Variants in ERCC8 observed in about 807,000 individuals in gnomAD.
The protein encoded by ERCC8 is DNA excision repair protein ERCC-8.
ERCC8 carries 52 observed loss-of-function variants against 54.9 expected under a neutral mutation model. The observed-to-expected ratio is 0.95, with a 90% CI of 0.76 to 1.19. The LOEUF is 1.19. Among genes scored for constraint, ERCC8 ranks in the 50% most tolerant of loss-of-function variants. The probability of loss-of-function intolerance (pLI) is 0.00; values close to 1 mark genes in which losing one functional copy is unlikely to be tolerated. For synonymous variants in ERCC8, 146 were observed against 157.2 expected, an observed-to-expected ratio of 0.93 and a Z score of 0.53; for missense variants, 514 against 466.1, an observed-to-expected ratio of 1.10 and a Z score of -0.95.
chr5:60,914,607 CAG>C (rs1749372631), intron 4 of ERCC8, among the ~76,000 whole-genome samples: 1 of 151,656 alleles, frequency 6.6e-6, no homozygotes, highest in South Asian at 2.1e-4. Context: ...CTGGGCAAGA[CAG>C]AGAGACACTG....
chr5:60,907,129 CT>C (rs1382821350), intron 4 of ERCC8, among the ~76,000 whole-genome samples: 5 of 152,124 alleles, frequency 3.3e-5, no homozygotes, highest in Non-Finnish European at 5.9e-5. Flanking sequence ...GCCAGTCCCA[CT>C]ATATTTCACT....
intron 4 of ERCC8, among the ~76,000 whole-genome samples, chr5:60,907,975 C>T (rs1320800792): frequency 5.9e-5 from 9 of 152,180 alleles, no homozygotes; most frequent in Non-Finnish European, 1.3e-4. Flanking sequence ...ATTGATTACT[C>T]CCATCCTCTT....
chr5:60,918,189 A>C (rs1749492923), intron 4 of ERCC8, 76 bp downstream of exon 4: 1 of 1,166,836 alleles, frequency 8.6e-7, no homozygotes, highest in Non-Finnish European at 1.3e-6. Context: ...CTCAGCAAAT[A>C]ATCATACTAA....
chr5:60,876,106 C>T (rs545618808), intron 11 of ERCC8, among the ~76,000 whole-genome samples: 1 of 151,938 alleles, frequency 6.6e-6, no homozygotes, highest in Non-Finnish European at 1.5e-5. Flanking sequence ...TCAATTCCCA[C>T]CTATGAGTGA....
At position 60,874,610 on chromosome 5, in the gene ERCC8, G is replaced by A. The variant is rs1012522192; in HGVS notation, c.*5C>T. On this transcript the variant is annotated 3_prime_UTR_variant, in exon 12 of 12. Transcript: ENST00000676185. ...GCAGAGACAAAAAGGTACTAAAGAT[G>A]ATATTCATCCTTCTTCATCACTGCT... The A allele has an allele frequency of 1.2e-6, 2 of 1,612,192 alleles. No homozygotes were observed. Among genetic ancestry groups the A allele is most frequent in the African/African-American group, 2.7e-5 (2 of 74,686 alleles).
At chr5:60,896,298 C>T (rs1748723089) in intron 9 of ERCC8, among the ~76,000 whole-genome samples, 1 of 152,206 alleles carries the variant, frequency 6.6e-6, no homozygotes, top group Non-Finnish European at 1.5e-5. Context: ...CTCACCGCAA[C>T]CTCCACCTCC....
chr5:60,907,677 C>A (rs557868343), intron 4 of ERCC8, among the ~76,000 whole-genome samples: 20 of 152,120 alleles, frequency 1.3e-4, no homozygotes, highest in Non-Finnish European at 2.2e-4. Flanking sequence ...GTATCTATAA[C>A]CTCTGTCCCC....
At chr5:60,884,578 T>A (rs1332157046) in intron 11 of ERCC8, among the ~76,000 whole-genome samples, 1 of 148,506 alleles carries the variant, frequency 6.7e-6, no homozygotes, top group Non-Finnish European at 1.5e-5. Context: ...GAAATAAATA[T>A]CAAATAAATA....
intron 3 of ERCC8, chr5:60,919,349 T>A (rs1749534205): frequency 6.6e-6 from 1 of 151,940 alleles, no homozygotes; most frequent in Admixed American, 6.6e-5. Context: ...AACTCTCCAA[T>A]CTTGTATATG....
At chr5:60,936,497 G>A (rs1244319999) in intron 1 of ERCC8, among the ~76,000 whole-genome samples, 1 of 151,870 alleles carries the variant, frequency 6.6e-6, no homozygotes, top group Non-Finnish European at 1.5e-5. Context: ...TTTGTGTTTT[G>A]TTGTTGTTGT....
At chr5:60,886,148 TAGG>T (rs1748384174) in intron 11 of ERCC8, among the ~76,000 whole-genome samples, 1 of 152,054 alleles carries the variant, frequency 6.6e-6, no homozygotes, top group Admixed American at 6.6e-5. Context: ...GGATGATTAT[TAGG>T]AGAATAAACC....
Position 60,884,250 on chromosome 5 carries a change from C to T in ERCC8, c.1122+3190G>A, listed in dbSNP as rs138915352. On this transcript the variant is annotated intron_variant, in intron 11 of 11. Transcript: ENST00000676185. ...ATCCCAGGACTTTGGGAGGCCGAGGCGGGTGGATCATGAGGTCAGGAGATC... is the reference window on the plus strand; with the variant it reads ...ATCCCAGGACTTTGGGAGGCCGAGGTGGGTGGATCATGAGGTCAGGAGATC... Among the ~76,000 whole-genome samples, 887 of 152,018 alleles carry T rather than the reference C, an allele frequency of 5.8e-3. 6 individuals are homozygous for T. Among genetic ancestry groups the T allele is most frequent in the African/African-American group, 0.02 (822 of 41,478 alleles).
In ERCC8 at chr5:60,876,773, G is replaced by C. The variant is rs185766750; in HGVS notation, c.1123-2090C>G. On this transcript the variant is annotated intron_variant, in intron 11 of 11. Transcript: ENST00000676185. ...TTGTTTGAGTCCATTGTAGGTTCTG[G>C]ATATTAGCCCTTTGTTAGATGAGTA... is the stretch of plus-strand genomic sequence containing the variant. 2.8e-3 allele frequency among the ~76,000 whole-genome samples: 433 copies of C among 152,254 alleles called. 2 individuals carry two copies. The highest frequency in any genetic ancestry group is 3.3e-3 in the Non-Finnish European group (227 of 68,014).
intron 5 of ERCC8, 97 bp from the exon 6 acceptor site, chr5:60,903,813 T>C (rs923628116): frequency 1.6e-6 from 2 of 1,214,924 alleles, no homozygotes; most frequent in East Asian, 4.7e-5. Context: ...TTTCACTGTA[T>C]CCATGCAGAA....
chr5:60,902,230 G>A (rs1270340390), intron 7 of ERCC8, among the ~76,000 whole-genome samples: 1 of 152,052 alleles, frequency 6.6e-6, no homozygotes, highest in African/African-American at 2.4e-5. Context: ...GTGTTCTAAG[G>A]TGAAACACCT....
Position 60,918,316 on chromosome 5 carries a change from T to A in ERCC8, c.348A>T (p.Thr116=), listed in dbSNP as rs752819668. The A allele has an allele frequency of 5.0e-6, 8 of 1,594,188 alleles. No individual in the cohort carries two copies. Among genetic ancestry groups the A allele is most frequent in the Non-Finnish European group, 6.9e-6 (8 of 1,162,252 alleles). Reference sequence around the variant, plus strand: ...TCAGAGTTTTATCAAATGAGCTTGATGTGAACATGCCAGTGTCATGAGGAT... The same window carrying A: ...TCAGAGTTTTATCAAATGAGCTTGAAGTGAACATGCCAGTGTCATGAGGAT... ...QWYPHDTGMF[T]SSSFDKTLKV... is the part of the protein sequence containing the mutation. Residue 116 remains threonine (T), a synonymous_variant, in exon 4 of 12, where the codon ACA becomes ACT. Coordinates refer to ENST00000676185, the MANE Select transcript of ERCC8 (RefSeq NM_000082.4).
intron 4 of ERCC8, chr5:60,917,348 T>A (rs1025557920): frequency 6.6e-6 from 1 of 151,488 alleles, no homozygotes; most frequent in African/African-American, 2.4e-5. Context: ...AGCATTTGTG[T>A]TGAAAACTGG....
In ERCC8 at chr5:60,918,258, T is replaced by C; in HGVS notation, c.399+7A>G. 6.3e-7 allele frequency: 1 copy of C among 1,587,118 alleles called. No homozygotes were observed. ...AAAGCAATCTGCAAATGTTTTAATG[T>C]ACTTACTTGTAATGTATTTGTATCC... On this transcript the variant is annotated splice_region_variant and intron_variant, in intron 4 of 11. Transcript: ENST00000676185.
intron 4 of ERCC8, among the ~76,000 whole-genome samples, chr5:60,914,744 G>A (rs185632856): frequency 3.5e-5 from 5 of 143,590 alleles, no homozygotes; most frequent in South Asian, 2.2e-4. Context: ...TTATAATTGC[G>A]CCACTGCACT....
Sources: allele counts gnomAD v4.1 joint callset (sites outside exome capture counted in the v4.1 genomes callset), GRCh38; gene constraint gnomAD v4.1.1; transcripts MANE v1.5; gene names NCBI Gene and HGNC (gene_info 2026-07-23, HGNC 2026-07-21).